ZNF736: variants seen among roughly 807,000 people sequenced by gnomAD.
ZNF736 encodes zinc finger protein 736.
In ZNF736, 6 loss-of-function variants were observed where a neutral mutation model predicts 11.7. The observed-to-expected ratio is 0.51, with a 90% CI of 0.28 to 1.01. ZNF736 has a LOEUF of 1.01. Among genes scored for constraint, ZNF736 ranks in the 50% least tolerant of loss-of-function variants. ZNF736 has a pLI of 0.09. For missense variants in ZNF736, 444 were observed against 496.0 expected (o/e 0.90, Z 1.00); for synonymous variants, 139 against 164.7 (o/e 0.84, Z 1.19).
intron 3 of ZNF736, among the ~76,000 whole-genome samples, chr7:64,345,303 T>C (rs549931604): frequency 1.3e-5 from 2 of 150,310 alleles, no homozygotes; most frequent in Non-Finnish European, 3.0e-5. Context: ...ATTACAGGCG[T>C]GAACCACTGT....
At chr7:64,324,302 G>A (rs1789047843) in intron 1 of ZNF736, among the ~76,000 whole-genome samples, 1 of 152,188 alleles carries the variant, frequency 6.6e-6, no homozygotes, top group South Asian at 2.1e-4. Flanking sequence ...CCAAGGACAT[G>A]TGCGTGCCTG....
chr7:64,337,652 G>A (rs914304732), intron 3 of ZNF736, among the ~76,000 whole-genome samples: 2 of 151,632 alleles, frequency 1.3e-5, no homozygotes, highest in African/African-American at 4.8e-5. Context: ...ATGTATTATA[G>A]TTCATTGTAT....
intron 3 of ZNF736, among the ~76,000 whole-genome samples, chr7:64,341,818 A>G (rs890566739): frequency 1.3e-5 from 2 of 152,196 alleles, no homozygotes; most frequent in African/African-American, 4.8e-5. Context: ...TGCAGCATAG[A>G]AAGTATTACT....
chr7:64,314,106 T>G lies in ZNF736; in HGVS notation c.-45T>G. ...CTGTTATCCTGTGACCTGCAGGTACTGGGAGATCCATAGGGAGGACGGCGG... is the reference window on the plus strand; with the variant it reads ...CTGTTATCCTGTGACCTGCAGGTACGGGGAGATCCATAGGGAGGACGGCGG... On this transcript the variant is annotated 5_prime_UTR_variant, in exon 1 of 4. Transcript: ENST00000423484. 6.4e-7 allele frequency: 1 copy of G among 1,551,696 alleles called. No homozygotes were observed. The highest frequency in any genetic ancestry group is 8.7e-7 in the Non-Finnish European group (1 of 1,147,040).
intron 3 of ZNF736, among the ~76,000 whole-genome samples, chr7:64,338,843 T>C (rs1789296378): frequency 6.6e-6 from 1 of 152,044 alleles, no homozygotes; most frequent in Non-Finnish European, 1.5e-5. Flanking sequence ...ATTTATTGTA[T>C]ATGCAGAAAT....
chr7:64,327,352 T>G (rs1789096516), intron 1 of ZNF736, among the ~76,000 whole-genome samples: 1 of 152,214 alleles, frequency 6.6e-6, no homozygotes, highest in Non-Finnish European at 1.5e-5. Flanking sequence ...CTTTTTTGTT[T>G]CCATTTGCAT....
At chr7:64,345,153 A>G (rs1789390865) in intron 3 of ZNF736, among the ~76,000 whole-genome samples, 1 of 151,280 alleles carries the variant, frequency 6.6e-6, no homozygotes, top group Admixed American at 6.6e-5. Context: ...CCTCCAGAGT[A>G]GCTGGGGCTA....
intron 3 of ZNF736, among the ~76,000 whole-genome samples, chr7:64,338,677 T>A (rs1789293999): frequency 6.6e-6 from 1 of 152,056 alleles, no homozygotes; most frequent in Non-Finnish European, 1.5e-5. Context: ...GTTTTATTAT[T>A]TTTTATGGCT....
chr7:64,320,566 C>T (rs1788989968), intron 1 of ZNF736, among the ~76,000 whole-genome samples: 1 of 151,860 alleles, frequency 6.6e-6, no homozygotes, highest in Non-Finnish European at 1.5e-5. Flanking sequence ...TGCTGTTTTG[C>T]TAATTCTCTG....
intron 1 of ZNF736, among the ~76,000 whole-genome samples, chr7:64,330,630 GTC>G (rs1789151973): frequency 6.6e-6 from 1 of 152,102 alleles, no homozygotes; most frequent in African/African-American, 2.4e-5. Context: ...TCAAGCAGGA[GTC>G]TCTCCACATG....
At chr7:64,327,989 AAG>A (rs1220600371) in intron 1 of ZNF736, among the ~76,000 whole-genome samples, 2 of 152,190 alleles carry the variant, frequency 1.3e-5, no homozygotes, top group African/African-American at 2.4e-5. Flanking sequence ...GAGGTAGAGA[AAG>A]AGTTATTACT....
At chr7:64,321,295 G>A (rs1788998184) in intron 1 of ZNF736, among the ~76,000 whole-genome samples, 1 of 152,168 alleles carries the variant, frequency 6.6e-6, no homozygotes, top group African/African-American at 2.4e-5. Context: ...GCACCCAAAT[G>A]AGTCAGTTAA....
In ZNF736 at chr7:64,336,329, A is replaced by T; in HGVS notation, c.74A>T (p.Gln25Leu). The change falls in exon 2 of 4, where the codon CAG becomes CTG. Residue 25 changes from glutamine to leucine, a missense_variant. Coordinates refer to ENST00000423484, the MANE Select transcript of ZNF736 (RefSeq NM_001170905.3). ...PEEWECLDSA[Q>L]QRLYRDVMLE... ...GAGTGGGAATGCCTGGACTCTGCTC[A>T]GCAGCGTTTGTATAGGGATGTGATG... The T allele has an allele frequency of 1.2e-6, 2 of 1,613,918 alleles. No homozygotes were observed. Among genetic ancestry groups the T allele is most frequent in the Non-Finnish European group, 1.7e-6 (2 of 1,179,938 alleles).
intron 3 of ZNF736, among the ~76,000 whole-genome samples, chr7:64,338,446 A>G (rs1174630467): frequency 2.6e-5 from 4 of 152,328 alleles, no homozygotes; most frequent in East Asian, 3.9e-4. Flanking sequence ...TTAGGTTACC[A>G]TAACTTGTTT....
chr7:64,326,386 C>T (rs796914179), intron 1 of ZNF736, among the ~76,000 whole-genome samples: 72 of 152,316 alleles, frequency 4.7e-4, no homozygotes, highest in African/African-American at 1.7e-3. Flanking sequence ...GAGCAATCAG[C>T]CATTCCAGCC....
At chr7:64,323,586 AG>A (rs1258566066) in intron 1 of ZNF736, among the ~76,000 whole-genome samples, 1 of 152,340 alleles carries the variant, frequency 6.6e-6, no homozygotes, top group East Asian at 1.9e-4. Context: ...TGTCCTTGAC[AG>A]GGACATGGAT....
intron 1 of ZNF736, among the ~76,000 whole-genome samples, chr7:64,331,316 G>C (rs1241505308): frequency 6.6e-6 from 1 of 152,134 alleles, no homozygotes; most frequent in East Asian, 1.9e-4. Flanking sequence ...GCCCCATGCT[G>C]CTTTCTGCTA....
Position 64,354,231 on chromosome 7 carries a change from A to G in ZNF736, c.*5084A>G, listed in dbSNP as rs1327159946. 1.3e-5 allele frequency: 2 copies of G among 152,200 alleles called. No homozygotes were observed. Among genetic ancestry groups the G allele is most frequent in the Non-Finnish European group, 2.9e-5 (2 of 68,024 alleles). 9.4% of individuals were successfully genotyped at this position (152,200 alleles called of 1,614,324 possible). On this transcript the variant is annotated 3_prime_UTR_variant, in exon 4 of 4. Transcript: ENST00000423484. Reference sequence around the variant, plus strand: ...TATCCTACTTTTTTCTGTTGAACATATGACTTCTCTGGTCTGCTAAACACA... The same window carrying G: ...TATCCTACTTTTTTCTGTTGAACATGTGACTTCTCTGGTCTGCTAAACACA...
chr7:64,336,672 A>G (rs1789255768), intron 2 of ZNF736, among the ~76,000 whole-genome samples: 1 of 152,230 alleles, frequency 6.6e-6, no homozygotes, highest in African/African-American at 2.4e-5. Context: ...CAATTTTCAC[A>G]GCTGATTTTT....
Sources: allele counts gnomAD v4.1 joint callset (sites outside exome capture counted in the v4.1 genomes callset), GRCh38; gene constraint gnomAD v4.1.1; transcripts MANE v1.5; gene names NCBI Gene and HGNC (gene_info 2026-07-23, HGNC 2026-07-21).